MRPL30: variants seen among roughly 807,000 people sequenced by gnomAD.
MRPL30 encodes the protein mitochondrial ribosomal protein L30.
In MRPL30, 10 loss-of-function variants were observed where a neutral mutation model predicts 17.2. The observed-to-expected ratio is 0.58, with a 90% CI of 0.36 to 0.99. MRPL30 has a LOEUF of 0.99. Ranked by LOEUF, MRPL30 falls within the 50% of genes least tolerant of loss-of-function variation. The probability of loss-of-function intolerance (pLI) is 0.01; values close to 1 mark genes in which losing one functional copy is unlikely to be tolerated. For synonymous variants in MRPL30, 61 were observed against 62.1 expected (o/e 0.98, Z 0.08); for missense variants, 170 against 189.8 (o/e 0.90, Z 0.61).
Position 99,195,836 on chromosome 2 carries a change from CT to C in MRPL30, c.*134del, listed in dbSNP as rs2093954389. On this transcript the variant is annotated 3_prime_UTR_variant, in exon 6 of 6. Transcript: ENST00000338148. ...CGGTGGCTCACCTGTAATCCCAGCA[CT>C]TTGGGAGGCCAAGGCGGGCAGATCA... 2.2e-6 allele frequency: 3 copies of C among 1,368,894 alleles called. No homozygotes were observed. In the South Asian group the frequency reaches 3.9e-5, roughly 18 times the overall value. 84.8% of individuals were successfully genotyped at this position (1,368,894 alleles called of 1,614,324 possible). A position where few individuals can be genotyped will look rare whatever the true frequency, so the allele number is the denominator to read the frequency against.
intron 3 of MRPL30, among the ~76,000 whole-genome samples, chr2:99,193,022 G>A (rs745512195): frequency 1.3e-5 from 2 of 152,030 alleles, no homozygotes; most frequent in East Asian, 1.9e-4. Flanking sequence ...AAAGAAACTC[G>A]CATCAGAGTG....
intron 3 of MRPL30, among the ~76,000 whole-genome samples, chr2:99,193,990 A>T (rs1261451628): frequency 6.7e-6 from 1 of 150,042 alleles, no homozygotes; most frequent in African/African-American, 2.5e-5. Context: ...GTGAGCCAAG[A>T]TCGTGCCATT....
intron 3 of MRPL30, among the ~76,000 whole-genome samples, chr2:99,193,884 A>G (rs1044721011): frequency 1.3e-5 from 2 of 152,088 alleles, no homozygotes; most frequent in Non-Finnish European, 2.9e-5. Flanking sequence ...CCAAAAATAG[A>G]AAAATTAGCT....
At chr2:99,187,654 T>G (rs759217342) in intron 2 of MRPL30, among the ~76,000 whole-genome samples, 28 of 151,964 alleles carry the variant, frequency 1.8e-4, no homozygotes, top group Non-Finnish European at 2.6e-4. Context: ...TGAAACCCTA[T>G]CTCTACTAAA....
intron 3 of MRPL30, among the ~76,000 whole-genome samples, chr2:99,191,078 C>T (rs1269574813): frequency 6.6e-6 from 1 of 151,282 alleles, no homozygotes; most frequent in Non-Finnish European, 1.5e-5. Flanking sequence ...GTGGTCTCGG[C>T]TCACTGCAAC....
Position 99,188,269 on chromosome 2 carries a change from G to T in MRPL30, c.132+12G>T, listed in dbSNP as rs973798222. The T allele has an allele frequency of 1.9e-6, 3 of 1,586,240 alleles. No individual in the cohort carries two copies. The African/African-American group carries it at 4.1e-5, about 22-fold the overall frequency. On this transcript the variant is annotated intron_variant, in intron 3 of 5. Coordinates refer to ENST00000338148, the MANE Select transcript of MRPL30 (RefSeq NM_145212.4). ...GAATTCCAGAAAAAGTAAGAACAAA[G>T]TTTGATTTTTTTAATGTTAGTGTTG...
intron 1 of MRPL30, among the ~76,000 whole-genome samples, chr2:99,183,405 C>T (rs1360213502): frequency 6.6e-6 from 1 of 152,046 alleles, no homozygotes; most frequent in South Asian, 2.1e-4. Context: ...CCCGTCTCCA[C>T]TAAAAATACA....
intron 3 of MRPL30, 76 bp from the exon 4 acceptor site, chr2:99,194,675 C>A (rs1173764270): frequency 7.4e-7 from 1 of 1,353,296 alleles, no homozygotes; most frequent in Non-Finnish European, 1.0e-6. Context: ...GTGTGTGTGT[C>A]TTTTAAGAAA....
At chr2:99,184,319 G>A (rs1278322595) in intron 1 of MRPL30, among the ~76,000 whole-genome samples, 1 of 152,184 alleles carries the variant, frequency 6.6e-6, no homozygotes, top group African/African-American at 2.4e-5. Flanking sequence ...CAAGATCTGG[G>A]CACTGGGTGT....
chr2:99,181,969 C>A (rs1320656788), intron 1 of MRPL30, among the ~76,000 whole-genome samples: 2 of 151,808 alleles, frequency 1.3e-5, no homozygotes, highest in Non-Finnish European at 2.9e-5. Context: ...TTTTAACATT[C>A]CTGTTGCATG....
At chr2:99,188,081 T>C (rs1371749906) in intron 2 of MRPL30, 96 bp from the exon 3 acceptor site, 2 of 804,164 alleles carry the variant, frequency 2.5e-6, no homozygotes, top group Non-Finnish European at 2.0e-6. Flanking sequence ...AATTATAGGG[T>C]AGGTTGGAAC....
At chr2:99,187,982 A>G (rs1461871657) in intron 2 of MRPL30, among the ~76,000 whole-genome samples, 195 bp from the exon 3 acceptor site, 1 of 152,188 alleles carries the variant, frequency 6.6e-6, no homozygotes, top group African/African-American at 2.4e-5. Context: ...GTGGTCTAAA[A>G]GTATATTTAT....
chr2:99,188,669 T>A (rs986684239), intron 3 of MRPL30, among the ~76,000 whole-genome samples: 1 of 152,206 alleles, frequency 6.6e-6, no homozygotes, highest in Non-Finnish European at 1.5e-5. Flanking sequence ...ATCATTCTTT[T>A]AGATAATATT....
At chr2:99,190,759 C>T (rs191494515) in intron 3 of MRPL30, among the ~76,000 whole-genome samples, 5 of 152,014 alleles carry the variant, frequency 3.3e-5, no homozygotes, top group Admixed American at 2.0e-4. Context: ...CTGTAGGGGG[C>T]GAGTGGAGGG....
At position 99,197,367 on chromosome 2, in the gene MRPL30, C is replaced by T. The variant is rs534315752; in HGVS notation, c.*1662C>T. On this transcript the variant is annotated 3_prime_UTR_variant, in exon 6 of 6. Coordinates refer to ENST00000338148, the MANE Select transcript of MRPL30 (RefSeq NM_145212.4). ...TGTCGTAGATCTTAATGTTTTTGAT[C>T]GTTGCGTTAAAGTGGAAGTGCCACC... 8 of 152,220 alleles carry T rather than the reference C, an allele frequency of 5.3e-5. No individual in the cohort carries two copies. Among genetic ancestry groups the T allele is most frequent in the South Asian group, 4.2e-4 (2 of 4,818 alleles). 9.4% of individuals were successfully genotyped at this position (152,220 alleles called of 1,614,324 possible). A position where few individuals can be genotyped will look rare whatever the true frequency, so the allele number is the denominator to read the frequency against.
At chr2:99,190,547 G>T (rs2093943190) in intron 3 of MRPL30, among the ~76,000 whole-genome samples, 1 of 152,178 alleles carries the variant, frequency 6.6e-6, no homozygotes. Flanking sequence ...AACAGAGTGA[G>T]ACCTTGTCTC....
chr2:99,195,511 T>C, intron 5 of MRPL30, 62 bp from the exon 6 acceptor site: 2 of 1,524,108 alleles, frequency 1.3e-6, no homozygotes. Context: ...GTAGTTATCC[T>C]GCGGGGATAT....
chr2:99,184,133 T>C (rs1054700556), intron 1 of MRPL30, among the ~76,000 whole-genome samples: 5 of 152,234 alleles, frequency 3.3e-5, no homozygotes, highest in African/African-American at 1.2e-4. Context: ...AATACTTTGT[T>C]ACTTATTTTG....
chr2:99,189,540 A>G (rs983599274), intron 3 of MRPL30, among the ~76,000 whole-genome samples: 3 of 152,186 alleles, frequency 2.0e-5, no homozygotes, highest in Admixed American at 1.3e-4. Context: ...GCATTCATCT[A>G]TGGAAAAACA....
Sources: gnomAD v4.1 joint callset for allele counts (sites outside exome capture counted in the v4.1 genomes callset) on GRCh38, gnomAD v4.1.1 for gene constraint, MANE v1.5 for transcripts, NCBI Gene and HGNC (gene_info 2026-07-23, HGNC 2026-07-21) for gene names.